Variants in LRRC56 observed in about 807,000 individuals in gnomAD.
LRRC56 encodes leucine-rich repeat-containing protein 56.
A neutral mutation model predicts 47.8 loss-of-function variants in LRRC56; 41 were observed. The ratio of observed to expected loss-of-function variants is 0.86; its 90% CI spans 0.67 to 1.11. LRRC56 has a LOEUF of 1.11. Among genes scored for constraint, LRRC56 ranks in the 50% most tolerant of loss-of-function variants. The pLI is 0.00. For missense variants in LRRC56, 759 were observed against 704.2 expected (o/e 1.08, Z -0.88); for synonymous variants, 387 against 311.2 (o/e 1.24, Z -2.56).
At chr11:552,469 G>A in intron 12 of LRRC56, 100 bp from the exon 13 acceptor site, 4 of 1,230,506 alleles carry the variant, frequency 3.3e-6, no homozygotes, top group Non-Finnish European at 4.6e-6. Context: ...GGGCTACCTT[G>A]GCTGAGTCAT....
chr11:518,608 T>TCACCCTGCCCGGC, the LRRC56 span, among the ~76,000 whole-genome samples: 1 of 151,966 alleles, frequency 6.6e-6, no homozygotes, highest in African/African-American at 2.4e-5. Context: ...CAGACGTGAG[T>TCACCCTGCCCGGC]CACCCTGCCC....
chr11:533,415 G>A (rs201986435), upstream of LRRC56: 1,249 of 1,609,356 alleles, frequency 7.8e-4, no homozygotes, highest in Non-Finnish European at 9.8e-4. Context: ...GGGGCGGGGC[G>A]GGTCCCTGGC....
chr11:509,610 C>G, the LRRC56 span, among the ~76,000 whole-genome samples: 1 of 152,004 alleles, frequency 6.6e-6, no homozygotes, highest in Non-Finnish European at 1.5e-5. Flanking sequence ...TGCAGTGGCG[C>G]GATCTCGGCT....
intron 9 of LRRC56, 28 bp downstream of exon 9, chr11:551,330 C>T: frequency 6.8e-7 from 1 of 1,466,108 alleles, no homozygotes; most frequent in Non-Finnish European, 9.1e-7. Context: ...GGAGGACCCA[C>T]TGCTGAGCCC....
In LRRC56 at chr11:552,141, G is replaced by A. The variant is rs147108520; in HGVS notation, c.1090G>A (p.Ala364Thr). The stretch of plus-strand genomic sequence containing the variant: ...CCAACACAGGCCAGGAGATCCGGCC[G>A]CCAGCACTTCCACCCCAGAGCCTGA... ...LPQHRPGDPA[A>T]STSTPEPDPA... Residue 364 changes from alanine to threonine, a missense_variant, in exon 12 of 14, where the codon GCC (alanine) becomes ACC (threonine). Ala to Thr is a moderately conservative substitution (Grantham distance 58). Coordinates refer to ENST00000270115, the MANE Select transcript of LRRC56 (RefSeq NM_198075.4). 73 of 1,612,526 alleles carry A rather than the reference G, an allele frequency of 4.5e-5. No homozygotes were observed. The highest frequency in any genetic ancestry group is 8.9e-5 in the East Asian group (4 of 44,896).
chr11:514,110 G>A, the LRRC56 span, among the ~76,000 whole-genome samples: 2 of 152,090 alleles, frequency 1.3e-5, no homozygotes, highest in African/African-American at 4.8e-5. Flanking sequence ...TCTTACCTTA[G>A]CCTCCGGAGG....
At chr11:517,952 C>T in the LRRC56 span, among the ~76,000 whole-genome samples, 1 of 152,204 alleles carries the variant, frequency 6.6e-6, no homozygotes, top group East Asian at 1.9e-4. Flanking sequence ...CTTTGTTAAA[C>T]AGATGCTTGG....
the LRRC56 span, among the ~76,000 whole-genome samples, chr11:522,488 G>C: frequency 3.9e-5 from 6 of 152,078 alleles, 1 homozygote; most frequent in South Asian, 6.2e-4. Flanking sequence ...GGATACTCTC[G>C]ATCTCCTGAC....
Position 541,632 on chromosome 11 carries a change from T to C in LRRC56, c.265+8T>C, listed in dbSNP as rs780755198. On this transcript the variant is annotated splice_region_variant and intron_variant, in intron 5 of 13. Coordinates refer to ENST00000270115, the MANE Select transcript of LRRC56 (RefSeq NM_198075.4). The surrounding 1 kb of genome is among the most constrained non-coding windows in gnomAD (Gnocchi z 4.1). ...GCAGCCTGGGGAACTTTGGTGAGCC[T>C]CTTCCCACCCCGCCATGGCCACGGC... 8.4e-6 allele frequency: 13 copies of C among 1,546,862 alleles called. No individual in the cohort carries two copies. The highest frequency in any genetic ancestry group is 1.1e-5 in the Non-Finnish European group (13 of 1,141,310).
intron 13 of LRRC56, 54 bp from the exon 14 acceptor site, chr11:553,909 G>T: frequency 6.5e-7 from 1 of 1,546,732 alleles, no homozygotes; most frequent in South Asian, 1.2e-5. Flanking sequence ...CCCACCGGGT[G>T]ACTCCCTTCC....
intron 5 of LRRC56, among the ~76,000 whole-genome samples, 194 bp from the exon 6 acceptor site, chr11:544,526 G>A (rs1339673345): frequency 6.6e-6 from 1 of 152,146 alleles, no homozygotes; most frequent in Non-Finnish European, 1.5e-5. Flanking sequence ...GACCCCTTTG[G>A]TGGCCAGAGG....
In LRRC56 at chr11:551,734, C is replaced by T; in HGVS notation, c.880C>T (p.Pro294Ser). Residue 294 changes from proline to serine, a missense_variant, in exon 10 of 14, where the codon CCC becomes TCC. Coordinates refer to ENST00000270115, the MANE Select transcript of LRRC56 (RefSeq NM_198075.4). ...GCAGTCCCGGGCCTCCAGGCCCTGG[C>T]CCTTCTCCCTGCTGGTCCGTGGGGG... ...ETQSRASRPW[P>S]FSLLVRGGPL... The T allele has an allele frequency of 6.2e-7, 1 of 1,611,554 alleles. No homozygotes were observed. Among genetic ancestry groups the T allele is most frequent in the East Asian group, 2.2e-5 (1 of 44,872 alleles).
the LRRC56 span, among the ~76,000 whole-genome samples, chr11:530,782 C>CGAGTGTGGCGTCCCCTGGAGAGAAGGGG: frequency 4.1e-5 from 1 of 24,378 alleles, no homozygotes; most frequent in Non-Finnish European, 6.9e-5. Context: ...GAGAGAAGGG[C>CGAGTGTGGCGTCCCCTGGAGAGAAGGGG]GAGTGTGGCG....
At chr11:550,881 G>A (rs1225134155) in intron 8 of LRRC56, among the ~76,000 whole-genome samples, 1 of 152,182 alleles carries the variant, frequency 6.6e-6, no homozygotes, top group African/African-American at 2.4e-5. Context: ...TGGGCCAGAG[G>A]GCATCCCTGG....
intron 6 of LRRC56, among the ~76,000 whole-genome samples, chr11:546,906 AAG>A (rs1852110745): frequency 6.6e-6 from 1 of 152,090 alleles, no homozygotes; most frequent in South Asian, 2.1e-4. Flanking sequence ...CAAAAAAAAA[AAG>A]AAATAGCCAG....
rs1394371330 is a variant in LRRC56 at position 541,367 on chromosome 11, C to T, written c.178-170C>T. Among the ~76,000 whole-genome samples, 1 of 152,206 alleles carries T rather than the reference C, an allele frequency of 6.6e-6. No individual in the cohort carries two copies. Among genetic ancestry groups the T allele is most frequent in the East Asian group, 1.9e-4 (1 of 5,180 alleles). On this transcript the variant is annotated intron_variant, in intron 4 of 13. Transcript: ENST00000270115. The surrounding 1 kb of genome is among the most constrained non-coding windows in gnomAD (Gnocchi z 4.1). ...GCCAAGTGCAGCACAAGCTCTGCTC[C>T]TGTCACATCCACTCCCATCCCACCA...
chr11:508,018 T>G, the LRRC56 span, among the ~76,000 whole-genome samples: 3 of 152,226 alleles, frequency 2.0e-5, no homozygotes, highest in East Asian at 5.8e-4. Context: ...CGACCCCACC[T>G]CCACAAAAGT....
Position 540,800 on chromosome 11 carries a change from G to A in LRRC56, c.116G>A (p.Gly39Asp), listed in dbSNP as rs572294758. 3.7e-6 allele frequency: 6 copies of A among 1,603,896 alleles called. No homozygotes were observed. In the Admixed American group the frequency reaches 8.6e-5, roughly 23 times the overall value. The change falls in exon 4 of 14, where the codon GGC (glycine) becomes GAC (aspartate). Residue 39 changes from glycine (G) to aspartate (D), a missense_variant. Physicochemically the swap from Gly to Asp is moderately conservative, Grantham distance 94. Coordinates refer to ENST00000270115, the MANE Select transcript of LRRC56 (RefSeq NM_198075.4). Reference protein sequence around the residue: ...HNPCPQSKGPGSQRDRLGEQL... With the variant: ...HNPCPQSKGPDSQRDRLGEQL... Reference sequence around the variant, plus strand: ...CCCTGCCCACAGAGCAAGGGCCCTGGCAGTCAGAGGGACAGACTTGGAGAG... The same window carrying A: ...CCCTGCCCACAGAGCAAGGGCCCTGACAGTCAGAGGGACAGACTTGGAGAG...
chr11:528,428 A>G, the LRRC56 span: 1 of 152,156 alleles, frequency 6.6e-6, no homozygotes, highest in Non-Finnish European at 1.5e-5. Context: ...GCTGGCTGCT[A>G]GGGGACCTCA....
Sources: gnomAD v4.1 joint callset for allele counts (sites outside exome capture counted in the v4.1 genomes callset) on GRCh38, gnomAD v4.1.1 for gene constraint, Gnocchi (gnomAD v3.1) non-coding constraint, MANE v1.5 for transcripts, NCBI Gene and HGNC (gene_info 2026-07-23, HGNC 2026-07-21) for gene names.